The following ELAVL2 variants were observed in gnomAD, a reference collection of about 807,000 sequenced individuals.
ELAVL2 encodes ELAV like RNA binding protein 2.
ELAVL2 carries 4 observed loss-of-function variants against 34.6 expected under a neutral mutation model. The observed-to-expected ratio is 0.12, with a 90% CI of 0.06 to 0.26. The LOEUF is 0.26. ELAVL2 is among the 10% of genes least tolerant of loss of function. The probability of loss-of-function intolerance (pLI) is 1.00; values close to 1 mark genes in which losing one functional copy is unlikely to be tolerated. For missense variants in ELAVL2, 432 were observed against 442.8 expected (o/e 0.98, Z 0.22); for synonymous variants, 193 against 154.8 (o/e 1.25, Z -1.83).
intron 1 of ELAVL2, among the ~76,000 whole-genome samples, chr9:23,775,466 G>A (rs915480119): frequency 7.2e-5 from 11 of 152,204 alleles, no homozygotes; most frequent in Admixed American, 2.0e-4. Flanking sequence ...TATTAAGTGA[G>A]AAACTGGGAT....
chr9:23,766,199 A>T (rs1464615412), intron 1 of ELAVL2, among the ~76,000 whole-genome samples: 1 of 152,200 alleles, frequency 6.6e-6, no homozygotes, highest in African/African-American at 2.4e-5. Flanking sequence ...CATCTATCAA[A>T]AAGGATTAAC....
chr9:23,848,035 A>C, the ELAVL2 span, among the ~76,000 whole-genome samples: 1 of 152,074 alleles, frequency 6.6e-6, no homozygotes, highest in African/African-American at 2.4e-5. Flanking sequence ...TTAATTTTAC[A>C]TATATACAGG....
chr9:23,746,955 AC>A (rs2050656826), intron 2 of ELAVL2, among the ~76,000 whole-genome samples: 1 of 152,120 alleles, frequency 6.6e-6, no homozygotes, highest in African/African-American at 2.4e-5. Context: ...CAAAACAAGC[AC>A]CAATTTAGAA....
intron 3 of ELAVL2, among the ~76,000 whole-genome samples, chr9:23,722,300 G>A (rs747285144): frequency 3.3e-5 from 5 of 152,174 alleles, no homozygotes; most frequent in East Asian, 3.8e-4. Flanking sequence ...CGAAGAATGC[G>A]TAGCTGCCTA....
intron 1 of ELAVL2, among the ~76,000 whole-genome samples, chr9:23,803,520 G>A (rs953389864): frequency 5.3e-5 from 8 of 152,164 alleles, no homozygotes; most frequent in Admixed American, 4.6e-4. Flanking sequence ...CCTCCTCAAG[G>A]CCCCTTTAGC....
At chr9:23,719,297 C>T (rs1420452076) in intron 3 of ELAVL2, among the ~76,000 whole-genome samples, 1 of 152,110 alleles carries the variant, frequency 6.6e-6, no homozygotes, top group East Asian at 1.9e-4. Context: ...AATAGTATCC[C>T]CTTTGCCACT....
At chr9:23,816,024 C>T (rs1171532487) in intron 1 of ELAVL2, among the ~76,000 whole-genome samples, 1 of 152,096 alleles carries the variant, frequency 6.6e-6, no homozygotes, top group East Asian at 1.9e-4. Context: ...ACTCTAATTG[C>T]CAAAGTCCTA....
At chr9:23,823,310 G>A (rs776164330) in intron 1 of ELAVL2, among the ~76,000 whole-genome samples, 6 of 152,110 alleles carry the variant, frequency 3.9e-5, no homozygotes, top group Non-Finnish European at 8.8e-5. Context: ...GGCGAAAATG[G>A]GCCTACTTAA....
chr9:23,832,600 T>C, the ELAVL2 span, among the ~76,000 whole-genome samples: 1 of 152,224 alleles, frequency 6.6e-6, no homozygotes. Flanking sequence ...TTGGTGTCCA[T>C]TTATGAGGTG....
At chr9:23,755,341 A>G (rs779102288) in intron 2 of ELAVL2, among the ~76,000 whole-genome samples, 70 of 152,172 alleles carry the variant, frequency 4.6e-4, no homozygotes, top group Non-Finnish European at 7.9e-4. Flanking sequence ...GACACTGAAA[A>G]TTGTTCTATA....
chr9:23,771,394 T>C (rs973676644), intron 1 of ELAVL2, among the ~76,000 whole-genome samples: 2 of 151,970 alleles, frequency 1.3e-5, no homozygotes, highest in Non-Finnish European at 2.9e-5. Flanking sequence ...TTATGGACAG[T>C]TGTGCCTTAA....
intron 1 of ELAVL2, among the ~76,000 whole-genome samples, chr9:23,785,128 G>A (rs2059528660): frequency 6.6e-6 from 1 of 152,094 alleles, no homozygotes; most frequent in African/African-American, 2.4e-5. Context: ...CTCCCACAAT[G>A]TACAGTTTTA....
rs114719661 is a variant in ELAVL2, at chr9:23,715,628, A to G, written c.334-10557T>C. On this transcript the variant is annotated intron_variant, in intron 3 of 6. Transcript: ENST00000397312. ...CCAGCAATGGCTTCAGTATTCTTTC[A>G]AGATTCTGAAACTTGACCCAATGAC... Among the ~76,000 whole-genome samples, 329 of 152,320 alleles carry G rather than the reference A, an allele frequency of 2.2e-3. 1 individual carries two copies. The highest frequency in any genetic ancestry group is 7.5e-3 in the African/African-American group (311 of 41,574).
intron 3 of ELAVL2, among the ~76,000 whole-genome samples, chr9:23,718,896 TA>T (rs1452683829): frequency 9.2e-5 from 14 of 152,242 alleles, no homozygotes; most frequent in African/African-American, 3.4e-4. Flanking sequence ...AAGTATCTAT[TA>T]GACACCTGAG....
intron 1 of ELAVL2, among the ~76,000 whole-genome samples, chr9:23,783,643 T>C (rs1564449103): frequency 6.6e-6 from 1 of 152,198 alleles, no homozygotes; most frequent in East Asian, 1.9e-4. Flanking sequence ...GCAAATCCTA[T>C]GTGCAGGGCA....
chr9:23,807,509 A>C (rs1588693538), intron 1 of ELAVL2, among the ~76,000 whole-genome samples: 1 of 146,950 alleles, frequency 6.8e-6, no homozygotes, highest in Non-Finnish European at 1.5e-5. Context: ...AAGTTTCTAC[A>C]AAAAAAAAAC....
chr9:23,803,709 A>G (rs2061852603), intron 1 of ELAVL2, among the ~76,000 whole-genome samples: 1 of 149,806 alleles, frequency 6.7e-6, no homozygotes, highest in Non-Finnish European at 1.5e-5. Flanking sequence ...CTAGGAGTAC[A>G]CCACACTTAA....
Position 23,692,471 on chromosome 9 carries a change from A to G in ELAVL2, c.*86T>C. The G allele has an allele frequency of 7.2e-7, 1 of 1,381,666 alleles. No homozygotes were observed. Among genetic ancestry groups the G allele is most frequent in the Non-Finnish European group, 9.7e-7 (1 of 1,028,776 alleles). The allele number at this position is 1,381,666 out of a possible 1,614,324, so 85.6% of individuals were successfully genotyped here. On this transcript the variant is annotated 3_prime_UTR_variant, in exon 7 of 7. Transcript: ENST00000397312. The stretch of plus-strand genomic sequence containing the variant: ...ATCCCCATCTCAACACTGACTTACA[A>G]AGACATTTACTAATGTATAAAGTTT...
chr9:23,755,438 G>A lies in ELAVL2; in HGVS notation c.229+6568C>T, dbSNP rs141769192. On this transcript the variant is annotated intron_variant, in intron 2 of 6. Transcript: ENST00000397312. ...AAATTTTATATGAAGCTTCTACAGT[G>A]ATAACACCAAATTTTTTAAATGACT... Among the ~76,000 whole-genome samples the A allele has an allele frequency of 4.6e-5, 7 of 152,178 alleles. No individual in the cohort carries two copies. The East Asian group carries it at 1.2e-3, about 25-fold the overall frequency.
Sources: allele counts gnomAD v4.1 joint callset (sites outside exome capture counted in the v4.1 genomes callset), GRCh38; gene constraint gnomAD v4.1.1; transcripts MANE v1.5; gene names NCBI Gene and HGNC (gene_info 2026-07-23, HGNC 2026-07-21).